PREX1: variants seen among roughly 807,000 people sequenced by gnomAD.
The protein encoded by PREX1 is phosphatidylinositol-3,4,5-trisphosphate dependent Rac exchange factor 1, also known as phosphatidylinositol 3,4,5-trisphosphate-dependent Rac exchanger 1 protein.
Under a neutral mutation model 198.3 loss-of-function variants are expected in PREX1, and 41 were observed. That is an observed-to-expected ratio of 0.21 (90% confidence interval 0.16 to 0.27). PREX1 has a LOEUF of 0.27. Among genes scored for constraint, PREX1 ranks in the 10% least tolerant of loss-of-function variants. PREX1 has a pLI of 1.00. For synonymous variants in PREX1, 843 were observed against 887.2 expected (o/e 0.95, Z 0.89); for missense variants, 1,620 against 2,200.7 (o/e 0.74, Z 5.28).
intron 33 of PREX1, among the ~76,000 whole-genome samples, chr20:48,634,233 T>G (rs1033175299): frequency 1.5e-4 from 23 of 150,160 alleles, no homozygotes; most frequent in African/African-American, 5.4e-4. Flanking sequence ...GAAGGATGGG[T>G]GGAAAATAGA....
intron 23 of PREX1, 41 bp from the exon 24 acceptor site, chr20:48,650,247 G>C (rs2089483552): frequency 2.6e-6 from 4 of 1,561,360 alleles, no homozygotes; most frequent in Non-Finnish European, 3.5e-6. Flanking sequence ...TCACAGGGCA[G>C]GGTCTGGAAA....
chr20:48,809,647 G>C (rs756867689), intron 1 of PREX1, among the ~76,000 whole-genome samples: 1 of 152,200 alleles, frequency 6.6e-6, no homozygotes, highest in Non-Finnish European at 1.5e-5. Flanking sequence ...TTCAAGATGA[G>C]GGAGAAACGA....
At chr20:48,764,869 T>C (rs929130390) in intron 1 of PREX1, among the ~76,000 whole-genome samples, 5 of 151,320 alleles carry the variant, frequency 3.3e-5, no homozygotes, top group Non-Finnish European at 5.9e-5. Flanking sequence ...GAAGACGCTA[T>C]GCTGCTGGCT....
chr20:48,871,915 T>C, the PREX1 span, among the ~76,000 whole-genome samples: 1 of 151,778 alleles, frequency 6.6e-6, no homozygotes, highest in Non-Finnish European at 1.5e-5. Flanking sequence ...ATCCCAGCAC[T>C]TTGGGAGGCT....
intron 1 of PREX1, 47 bp from the exon 2 acceptor site, chr20:48,747,927 T>G: frequency 1.3e-6 from 2 of 1,539,080 alleles, no homozygotes; most frequent in Non-Finnish European, 1.8e-6. Flanking sequence ...TCTCCAGCTC[T>G]CCCATGGACG....
At chr20:48,841,735 G>A in the PREX1 span, among the ~76,000 whole-genome samples, 2 of 152,130 alleles carry the variant, frequency 1.3e-5, no homozygotes, top group African/African-American at 4.8e-5. Flanking sequence ...CAGAACCAGC[G>A]GAGTACAGAG....
chr20:48,743,205 C>A (rs957618616), intron 3 of PREX1, among the ~76,000 whole-genome samples: 5 of 152,126 alleles, frequency 3.3e-5, no homozygotes, highest in Admixed American at 1.3e-4. Flanking sequence ...ACTGGGCTGG[C>A]GAGCAGTAGA....
chr20:48,702,206 T>TAAA (rs71184231), intron 6 of PREX1, among the ~76,000 whole-genome samples: 80 of 122,798 alleles, frequency 6.5e-4, no homozygotes, highest in South Asian at 1.6e-3. Flanking sequence ...GGACTCTGTC[T>TAAA]AAAAAAAAAA....
chr20:48,776,767 C>CA (rs754615941), intron 1 of PREX1, among the ~76,000 whole-genome samples: 3 of 152,200 alleles, frequency 2.0e-5, no homozygotes, highest in Non-Finnish European at 4.4e-5. Flanking sequence ...AGCATTAACA[C>CA]AAAAAATCAG....
chr20:48,659,809 GGTACTCC>G, intron 16 of PREX1, 103 bp downstream of exon 16: 5 of 1,459,292 alleles, frequency 3.4e-6, no homozygotes, highest in Non-Finnish European at 4.7e-6. Flanking sequence ...CACCTATTCT[GGTACTCC>G]AAGCTGAGCC....
At chr20:48,698,261 G>A (rs1307896557) in intron 7 of PREX1, among the ~76,000 whole-genome samples, 1 of 152,192 alleles carries the variant, frequency 6.6e-6, no homozygotes. Flanking sequence ...TGCTGTCCCT[G>A]CACAGGTGAG....
chr20:48,775,449 G>A (rs188253732), intron 1 of PREX1, among the ~76,000 whole-genome samples: 1 of 152,206 alleles, frequency 6.6e-6, no homozygotes, highest in African/African-American at 2.4e-5. Flanking sequence ...AGCACACCAT[G>A]GGCAGTGGGG....
chr20:48,880,141 A>G, the PREX1 span, among the ~76,000 whole-genome samples: 1 of 152,248 alleles, frequency 6.6e-6, no homozygotes, highest in African/African-American at 2.4e-5. Flanking sequence ...CTTTGAAATA[A>G]GAACCCATGT....
the PREX1 span, among the ~76,000 whole-genome samples, chr20:48,847,617 C>A: frequency 6.6e-6 from 1 of 152,112 alleles, no homozygotes; most frequent in Non-Finnish European, 1.5e-5. Context: ...GTATTCCTTT[C>A]CAGGCTTTGG....
At chr20:48,641,837 AGAG>A in intron 29 of PREX1, among the ~76,000 whole-genome samples, 1 of 109,470 alleles carries the variant, frequency 9.1e-6, no homozygotes, top group Non-Finnish European at 1.8e-5. Flanking sequence ...AGAGAGAGAG[AGAG>A]AGGAAGGAAG....
intron 31 of PREX1, among the ~76,000 whole-genome samples, chr20:48,637,417 G>A (rs1317048176): frequency 6.6e-6 from 1 of 152,230 alleles, no homozygotes; most frequent in Non-Finnish European, 1.5e-5. Flanking sequence ...GAAGCCCCCA[G>A]GCTGGGGCTG....
chr20:48,767,132 A>G (rs577953895), intron 1 of PREX1, among the ~76,000 whole-genome samples: 1 of 152,332 alleles, frequency 6.6e-6, no homozygotes, highest in African/African-American at 2.4e-5. Flanking sequence ...AACGGGGAAC[A>G]GTGGTCAGAT....
intron 1 of PREX1, among the ~76,000 whole-genome samples, chr20:48,750,748 T>C (rs930659786): frequency 6.6e-6 from 1 of 152,184 alleles, no homozygotes; most frequent in African/African-American, 2.4e-5. Context: ...ATGAGGAAAC[T>C]GAGGTTAAGC....
chr20:48,735,186 C>G (rs2090051466), intron 3 of PREX1, among the ~76,000 whole-genome samples: 1 of 152,156 alleles, frequency 6.6e-6, no homozygotes, highest in African/African-American at 2.4e-5. Context: ...GCCTTCTTAG[C>G]AGGAAGCTCT....
Sources: allele counts gnomAD v4.1 joint callset (sites outside exome capture counted in the v4.1 genomes callset), GRCh38; gene constraint gnomAD v4.1.1; transcripts MANE v1.5; gene names NCBI Gene and HGNC (gene_info 2026-07-23, HGNC 2026-07-21).